The following XKR5 variants were observed in gnomAD, a reference collection of about 807,000 sequenced individuals.
XKR5 encodes XK-related protein 5.
A neutral mutation model predicts 40.8 loss-of-function variants in XKR5; 46 were observed. That is an observed-to-expected ratio of 1.13 (90% CI 0.89 to 1.44). The LOEUF (loss-of-function observed/expected upper bound fraction) is 1.44, where lower values mean the gene tolerates loss of function less well. Among genes scored for constraint, XKR5 ranks in the 40% most tolerant of loss-of-function variants. XKR5 has a pLI of 0.00. For missense variants in XKR5, 1,169 were observed against 844.7 expected, an observed-to-expected ratio of 1.38 and a Z score of -4.76; for synonymous variants, 466 against 356.1, an observed-to-expected ratio of 1.31 and a Z score of -3.48.
intron 6 of XKR5, among the ~76,000 whole-genome samples, chr8:6,814,110 A>T (rs1397072654): frequency 6.6e-6 from 1 of 152,302 alleles, no homozygotes; most frequent in East Asian, 1.9e-4. Flanking sequence ...ACCACGATGC[A>T]ATGTGGTGAG....
At chr8:6,829,340 A>G (rs774878607) in intron 2 of XKR5, 2 of 169,202 alleles carry the variant, frequency 1.2e-5, no homozygotes, top group Non-Finnish European at 1.5e-5. Flanking sequence ...TGTTGGTAAC[A>G]TACAGTATTA....
intron 2 of XKR5, among the ~76,000 whole-genome samples, chr8:6,830,234 T>G (rs754790908): frequency 1.3e-5 from 2 of 152,234 alleles, no homozygotes; most frequent in Non-Finnish European, 2.9e-5. Context: ...AAGTGACCTA[T>G]TCTTAGGCAA....
Position 6,821,975 on chromosome 8 carries a change from G to T in XKR5, c.701C>A (p.Thr234Asn). 1 of 1,609,626 alleles carries T rather than the reference G, an allele frequency of 6.2e-7. No individual in the cohort carries two copies. Among genetic ancestry groups the T allele is most frequent in the Non-Finnish European group, 8.5e-7 (1 of 1,177,942 alleles). The change falls in exon 5 of 7, where the codon ACC becomes AAC. Residue 234 changes from threonine to asparagine, a missense_variant. Transcript: ENST00000618742. ...CAGGTTGAACAGCCTCCAGTGGCAGGTGCTGTCGATGATGTCACTCTGCTG... is the reference window on the plus strand; with the variant it reads ...CAGGTTGAACAGCCTCCAGTGGCAGTTGCTGTCGATGATGTCACTCTGCTG... ...VAQQSDIIDS[T>N]CHWRLFNLLV...
At chr8:6,834,069 A>G (rs902006339) in intron 1 of XKR5, among the ~76,000 whole-genome samples, 2 of 151,832 alleles carry the variant, frequency 1.3e-5, no homozygotes, top group Non-Finnish European at 2.9e-5. Flanking sequence ...CTTTTCTCCT[A>G]CTTTCACATG....
At chr8:6,822,115 G>C in intron 4 of XKR5, 77 bp from the exon 5 acceptor site, 2 of 1,426,918 alleles carry the variant, frequency 1.4e-6, no homozygotes, top group Admixed American at 2.4e-5. Context: ...GAGACCAGGG[G>C]CTGGAAGGCT....
intron 5 of XKR5, 22 bp downstream of exon 5, chr8:6,821,847 G>C (rs1440398887): frequency 4.4e-6 from 7 of 1,608,736 alleles, no homozygotes; most frequent in Non-Finnish European, 5.9e-6. Flanking sequence ...TAAAAGTTAG[G>C]ATAAAGAAAA....
chr8:6,830,769 T>G (rs1354736516), intron 2 of XKR5, among the ~76,000 whole-genome samples: 1 of 152,256 alleles, frequency 6.6e-6, no homozygotes, highest in Non-Finnish European at 1.5e-5. Context: ...ATGATTTCAC[T>G]AGTATATACC....
chr8:6,831,020 T>G (rs1187993002), intron 2 of XKR5, among the ~76,000 whole-genome samples: 1 of 152,046 alleles, frequency 6.6e-6, no homozygotes, highest in African/African-American at 2.4e-5. Context: ...CCAGGAAGCT[T>G]CTCTAAGTGA....
chr8:6,829,853 TTTGA>T (rs1804678249), intron 2 of XKR5, among the ~76,000 whole-genome samples: 2 of 94,756 alleles, frequency 2.1e-5, no homozygotes, highest in Admixed American at 1.1e-4. Context: ...TTTTTTTTTT[TTTGA>T]GACGGAGTCT....
At position 6,811,812 on chromosome 8, in the gene XKR5, C is replaced by G; in HGVS notation, c.1447G>C (p.Glu483Gln). 5 of 1,537,638 alleles carry G rather than the reference C, an allele frequency of 3.3e-6. No individual in the cohort carries two copies. The highest frequency in any genetic ancestry group is 4.4e-6 in the Non-Finnish European group (5 of 1,146,998). The change falls in exon 7 of 7, where the codon GAA (glutamate) becomes CAA (glutamine). Residue 483 changes from glutamate to glutamine, a missense_variant. Transcript: ENST00000618742. ...GVPKAEADPL[E>Q]TSSYVSFASD... ...GCAAAAGATACGTAACTTGAGGTTT[C>G]CAATGGGTCGGCCTCTGCTTTAGGG... is the stretch of plus-strand genomic sequence containing the variant.
chr8:6,831,184 T>G (rs1481224836), intron 2 of XKR5, among the ~76,000 whole-genome samples: 2 of 152,186 alleles, frequency 1.3e-5, no homozygotes, highest in Non-Finnish European at 2.9e-5. Context: ...ATTACTGGGC[T>G]GGGCCGATCA....
chr8:6,818,621 C>G (rs930515568), intron 5 of XKR5, among the ~76,000 whole-genome samples: 1 of 152,366 alleles, frequency 6.6e-6, no homozygotes, highest in Non-Finnish European at 1.5e-5. Flanking sequence ...AGATCCTGAG[C>G]TAGGCCAGTC....
In XKR5 at chr8:6,819,333, A is replaced by G. The variant is rs190342894; in HGVS notation, c.807+2536T>C. ...GAAGGTAATGCTTTCGGATGGCAGC[A>G]CGGGTCTGTGCCAGCAGGGTGCACA... On this transcript the variant is annotated intron_variant, in intron 5 of 6. Coordinates refer to ENST00000618742, the MANE Select transcript of XKR5 (RefSeq NM_207411.5). Among the ~76,000 whole-genome samples, 454 of 152,324 alleles carry G rather than the reference A, an allele frequency of 3.0e-3. 1 individual carries two copies. The highest frequency in any genetic ancestry group is 0.011 in the African/African-American group (440 of 41,576).
At chr8:6,816,164 T>G (rs1488979541) in intron 5 of XKR5, among the ~76,000 whole-genome samples, 2 of 152,158 alleles carry the variant, frequency 1.3e-5, no homozygotes, top group Non-Finnish European at 1.5e-5. Flanking sequence ...GCCCAGGAAA[T>G]GTAAGGGCAT....
chr8:6,815,861 C>A lies in XKR5; in HGVS notation c.865G>T (p.Ala289Ser). 2 of 1,605,648 alleles carry A rather than the reference C, an allele frequency of 1.2e-6. No homozygotes were observed. The highest frequency in any genetic ancestry group is 1.7e-6 in the Non-Finnish European group (2 of 1,176,170). The change falls in exon 6 of 7, where the codon GCA becomes TCA. Residue 289 changes from alanine to serine, a missense_variant. Physicochemically the swap from Ala to Ser is moderately conservative, Grantham distance 99 (BLOSUM62 1). Transcript: ENST00000618742. ...ATGGTCTGCAGGCTGGTCCACGATG[C>A]CCCCTGGAGAAAGTCGGTGGCCAAC... ...LLLATDFLQGASWTSLQTIAG... is the reference protein window; with the variant it reads ...LLLATDFLQGSSWTSLQTIAG...
intron 1 of XKR5, among the ~76,000 whole-genome samples, chr8:6,834,669 C>T (rs975173694): frequency 1.3e-5 from 2 of 151,976 alleles, no homozygotes; most frequent in East Asian, 3.9e-4. Context: ...CCCAGGGTAC[C>T]CCCTCTTCCA....
At position 6,835,423 on chromosome 8, in the gene XKR5, C is replaced by A; in HGVS notation, c.58+13G>T. 1 of 1,474,208 alleles carries A rather than the reference C, an allele frequency of 6.8e-7. No homozygotes were observed. The highest frequency in any genetic ancestry group is 8.9e-7 in the Non-Finnish European group (1 of 1,119,412). The allele number at this position is 1,474,208 out of a possible 1,614,324, so 91.3% of individuals were successfully genotyped here. On this transcript the variant is annotated intron_variant, in intron 1 of 6. Transcript: ENST00000618742. ...CTGCAGGGGTGAGCACAGCCTCGGG[C>A]TGCCGCACTCACGCGCGCTCTGCTC...
intron 5 of XKR5, among the ~76,000 whole-genome samples, chr8:6,817,050 T>C (rs1005501685): frequency 6.6e-5 from 10 of 152,194 alleles, no homozygotes; most frequent in African/African-American, 2.2e-4. Flanking sequence ...TGTGTGGTTC[T>C]GGTGGTTCAG....
intron 6 of XKR5, among the ~76,000 whole-genome samples, chr8:6,814,593 G>A (rs1803876921): frequency 6.6e-6 from 1 of 152,168 alleles, no homozygotes; most frequent in South Asian, 2.1e-4. Flanking sequence ...ACCGTTTTGC[G>A]AGATATTACC....
Sources: allele counts gnomAD v4.1 joint callset (sites outside exome capture counted in the v4.1 genomes callset), GRCh38; gene constraint gnomAD v4.1.1; transcripts MANE v1.5; gene names NCBI Gene and HGNC (gene_info 2026-07-23, HGNC 2026-07-21).